MUSK: variants seen among roughly 807,000 people sequenced by gnomAD.
MUSK encodes muscle, skeletal receptor tyrosine-protein kinase.
MUSK carries 55 observed loss-of-function variants against 88.7 expected under a neutral mutation model. The observed-to-expected ratio is 0.62, with a 90% CI of 0.50 to 0.78. The LOEUF (loss-of-function observed/expected upper bound fraction) is 0.78. Ranked by LOEUF, MUSK falls within the 30% of genes least tolerant of loss-of-function variation. The pLI is 0.00. For synonymous variants in MUSK, 387 were observed against 391.9 expected, an observed-to-expected ratio of 0.99 and a Z score of 0.15; for missense variants, 1,015 against 1,074.3, an observed-to-expected ratio of 0.94 and a Z score of 0.77.
At chr9:110,772,279 GTTCT>G (rs980693499) in intron 9 of MUSK, among the ~76,000 whole-genome samples, 1 of 151,510 alleles carries the variant, frequency 6.6e-6, no homozygotes. Flanking sequence ...AGCCACAGAT[GTTCT>G]TTCTAATCTT....
At position 110,801,535 on chromosome 9, in the gene MUSK, ATTTG is replaced by A. The variant is rs988524006; in HGVS notation, c.*553_*556del. 4 of 152,194 alleles carry A rather than the reference ATTTG, an allele frequency of 2.6e-5. No individual in the cohort carries two copies. The highest frequency in any genetic ancestry group is 9.7e-5 in the African/African-American group (4 of 41,440). 9.4% of individuals were successfully genotyped at this position (152,194 alleles called of 1,614,324 possible). A position where few individuals can be genotyped will look rare whatever the true frequency, so the allele number is the denominator to read the frequency against. On this transcript the variant is annotated 3_prime_UTR_variant, in exon 15 of 15. Coordinates refer to ENST00000374448, the MANE Select transcript of MUSK (RefSeq NM_005592.4). Reference sequence around the variant, plus strand: ...TCTTGCATTTAATGCATAATTTTATATTTGTTTGTATTCTGCAGAGTTGTGGTTA... The same window carrying A: ...TCTTGCATTTAATGCATAATTTTATATTTGTATTCTGCAGAGTTGTGGTTA...
intron 5 of MUSK, among the ~76,000 whole-genome samples, chr9:110,730,561 T>C (rs1251059785): frequency 6.6e-6 from 1 of 152,104 alleles, no homozygotes; most frequent in African/African-American, 2.4e-5. Context: ...AGATTGTGAC[T>C]ACCACTGAAA....
chr9:110,672,769 G>T (rs745387511), intron 1 of MUSK, among the ~76,000 whole-genome samples: 14 of 152,014 alleles, frequency 9.2e-5, no homozygotes, highest in Non-Finnish European at 1.5e-4. Flanking sequence ...GTTTCTTTAT[G>T]TACCCAATCA....
chr9:110,782,574 C>T (rs2077778577), intron 11 of MUSK, among the ~76,000 whole-genome samples: 1 of 152,144 alleles, frequency 6.6e-6, no homozygotes, highest in Non-Finnish European at 1.5e-5. Flanking sequence ...TATATTCCCT[C>T]ACATGTTATA....
At chr9:110,785,084 A>T (rs2077831866) in intron 12 of MUSK, 68 bp downstream of exon 12, 17 of 1,400,248 alleles carry the variant, frequency 1.2e-5, no homozygotes, top group Non-Finnish European at 1.5e-5. Context: ...TGGAGTTGGT[A>T]TGACGTGAGG....
At chr9:110,711,645 T>C (rs1257241443) in intron 5 of MUSK, among the ~76,000 whole-genome samples, 6 of 152,200 alleles carry the variant, frequency 3.9e-5, no homozygotes, top group Non-Finnish European at 7.3e-5. Flanking sequence ...AGATTTCTTA[T>C]AGAGACCTCC....
chr9:110,786,002 A>AATAGTTTTT lies in MUSK; in HGVS notation c.1778+287_1778+295dup, dbSNP rs558046920. On this transcript the variant is annotated intron_variant, in intron 13 of 14. Transcript: ENST00000374448. The stretch of plus-strand genomic sequence containing the variant: ...TATATGGTAATAATATACTATATAA[A>AATAGTTTTT]ATAGTTTTTATCAAGTTAGTTAATT... 4.9e-4 allele frequency among the ~76,000 whole-genome samples: 73 copies of AATAGTTTTT among 149,652 alleles called. 1 individual carries two copies. The South Asian group carries it at 0.015, about 31-fold the overall frequency.
Position 110,775,845 on chromosome 9 carries a change from A to G in MUSK, c.1242A>G (p.Glu414=), listed in dbSNP as rs891246258. The change falls in exon 10 of 15, where the codon GAA becomes GAG. Residue 414 remains glutamate (E), a synonymous_variant. Coordinates refer to ENST00000374448, the MANE Select transcript of MUSK (RefSeq NM_005592.4). ...GCGCAAAAGAATGGCTGGTAATGGA[A>G]GAGAAGACCCACAGAGGACTCTACA... ...LFCAKEWLVM[E]EKTHRGLYRS... 1 of 1,613,814 alleles carries G rather than the reference A, an allele frequency of 6.2e-7. No individual in the cohort carries two copies. Among genetic ancestry groups the G allele is most frequent in the African/African-American group, 1.3e-5 (1 of 74,920 alleles).
intron 6 of MUSK, 131 bp downstream of exon 6, chr9:110,734,506 A>G (rs1306711976): frequency 8.6e-7 from 1 of 1,167,908 alleles, no homozygotes; most frequent in Non-Finnish European, 1.2e-6. Context: ...AAAGCCTCCC[A>G]ATATCTTTGT....
chr9:110,755,951 C>CATATATATAACATATATATATAT (rs1564268679), intron 7 of MUSK, among the ~76,000 whole-genome samples: 7 of 101,792 alleles, frequency 6.9e-5, no homozygotes, highest in East Asian at 6.2e-4. Flanking sequence ...TATATATATA[C>CATATATATAACATATATATATAT]ACATATATAT....
intron 9 of MUSK, among the ~76,000 whole-genome samples, chr9:110,774,111 C>T (rs2148583): frequency 0.95 from 144,895 of 152,264 alleles, 69,023 homozygotes; most frequent in East Asian, 1. Flanking sequence ...TGATTTTGAA[C>T]TTCTTACTTG....
At chr9:110,748,133 TTTTCCTTCCTTC>T (rs1241861021) in intron 7 of MUSK, 2 of 401,422 alleles carry the variant, frequency 5.0e-6, no homozygotes, top group South Asian at 2.0e-5. Context: ...TCGCTCCCTT[TTTTCCTTCCTTC>T]TTTCCTTCCT....
chr9:110,681,044 TA>T lies in MUSK; in HGVS notation c.80-1629del, dbSNP rs1564209466. Among the ~76,000 whole-genome samples the T allele has an allele frequency of 1.3e-3, 30 of 22,714 alleles. 4 individuals carry two copies. The highest frequency in any genetic ancestry group is 1.0e-2 in the African/African-American group (27 of 2,708). 14.9% of individuals were successfully genotyped at this position (22,714 alleles called of 152,430 possible). On this transcript the variant is annotated intron_variant, in intron 1 of 14. Transcript: ENST00000374448. ...ATATTATATATTATATATTATATAA[TA>T]TATATTATATATTATATATATAATA...
intron 11 of MUSK, among the ~76,000 whole-genome samples, chr9:110,781,585 T>C (rs1296267018): frequency 6.6e-6 from 1 of 152,154 alleles, no homozygotes; most frequent in Non-Finnish European, 1.5e-5. Flanking sequence ...CCACACCTTT[T>C]CCTTAGTCTG....
rs2078074978 is a variant in MUSK, at chr9:110,800,462, C to A, written c.2084C>A (p.Pro695Gln). The A allele has an allele frequency of 6.2e-7, 1 of 1,613,806 alleles. No individual in the cohort carries two copies. The highest frequency in any genetic ancestry group is 1.1e-5 in the South Asian group (1 of 91,064). ...GCTCAGGTCTCCAGCCCTGGGCCCC[C>A]ACCCCTCTCCTGTGCTGAGCAGCTT... ...MRAQVSSPGPPPLSCAEQLCI... is the reference protein window; with the variant it reads ...MRAQVSSPGPQPLSCAEQLCI... Residue 695 changes from proline (P) to glutamine (Q), a missense_variant, in exon 15 of 15, where the codon CCA becomes CAA. By Grantham distance (76) the Pro-to-Gln change is moderately conservative (BLOSUM62 -1). Coordinates refer to ENST00000374448, the MANE Select transcript of MUSK (RefSeq NM_005592.4).
chr9:110,721,033 T>A (rs1206219722), intron 5 of MUSK, among the ~76,000 whole-genome samples: 1 of 152,038 alleles, frequency 6.6e-6, no homozygotes, highest in Non-Finnish European at 1.5e-5. Flanking sequence ...TTGACAAAAT[T>A]AAGCATCCCA....
intron 8 of MUSK, among the ~76,000 whole-genome samples, chr9:110,766,733 G>A (rs2077490713): frequency 6.6e-6 from 1 of 152,012 alleles, no homozygotes; most frequent in Admixed American, 6.5e-5. Flanking sequence ...TTTATATAAA[G>A]ACAATGAAAA....
At chr9:110,694,565 A>G (rs542840745) in intron 3 of MUSK, among the ~76,000 whole-genome samples, 168 of 152,272 alleles carry the variant, frequency 1.1e-3, no homozygotes, top group African/African-American at 3.8e-3. Context: ...GTTACGGCAC[A>G]TGTCCTGCAA....
chr9:110,686,829 C>T (rs1040885782), intron 2 of MUSK, among the ~76,000 whole-genome samples: 2 of 152,074 alleles, frequency 1.3e-5, no homozygotes, highest in African/African-American at 4.8e-5. Flanking sequence ...GTTTTATATG[C>T]TTTTCTGAAT....
Sources: allele counts gnomAD v4.1 joint callset (sites outside exome capture counted in the v4.1 genomes callset), GRCh38; gene constraint gnomAD v4.1.1; transcripts MANE v1.5; gene names NCBI Gene and HGNC (gene_info 2026-07-23, HGNC 2026-07-21).